The following UQCC1 variants were observed in gnomAD, a reference collection of about 807,000 sequenced individuals.
UQCC1 encodes bFGF-repressed Zic-binding protein.
In UQCC1, 38 loss-of-function variants were observed where a neutral mutation model predicts 48.0. That is an observed-to-expected ratio of 0.79 (90% CI 0.61 to 1.04). The LOEUF (loss-of-function observed/expected upper bound fraction) is 1.04, where lower values mean the gene tolerates loss of function less well. UQCC1 is among the 50% of genes least tolerant of loss of function. The pLI, the probability that UQCC1 is intolerant of heterozygous loss-of-function variation, is 0.00. For missense variants in UQCC1, 368 were observed against 381.8 expected, an observed-to-expected ratio of 0.96 and a Z score of 0.30; for synonymous variants, 111 against 129.2, an observed-to-expected ratio of 0.86 and a Z score of 0.95.
chr20:35,387,338 G>C lies in UQCC1; in HGVS notation c.130-3205C>G, dbSNP rs545905518. On this transcript the variant is annotated intron_variant, in intron 2 of 9. Transcript: ENST00000374385. Reference sequence around the variant, plus strand: ...CAAGAATGACAGAGGCAGAGAAGTAGAAAGGGGGTGCTGGGACAAACTCAA... The same window carrying C: ...CAAGAATGACAGAGGCAGAGAAGTACAAAGGGGGTGCTGGGACAAACTCAA... 3.3e-5 allele frequency among the ~76,000 whole-genome samples: 5 copies of C among 152,152 alleles called. No individual in the cohort carries two copies. The East Asian group carries it at 7.7e-4, about 23-fold the overall frequency.
intron 3 of UQCC1, among the ~76,000 whole-genome samples, chr20:35,382,480 C>T (rs1185715269): frequency 6.8e-6 from 1 of 147,086 alleles, no homozygotes; most frequent in African/African-American, 2.5e-5. Flanking sequence ...TTTTCACCTA[C>T]AATTTTTAAT....
chr20:35,351,074 G>A (rs960406309), intron 6 of UQCC1, among the ~76,000 whole-genome samples: 3 of 151,286 alleles, frequency 2.0e-5, no homozygotes, highest in Admixed American at 1.3e-4. Flanking sequence ...TGTAACCTCT[G>A]ACCCCAGGTA....
At chr20:35,356,132 T>G (rs551566919) in intron 6 of UQCC1, among the ~76,000 whole-genome samples, 51 of 152,284 alleles carry the variant, frequency 3.3e-4, no homozygotes, top group African/African-American at 1.2e-3. Flanking sequence ...CAAGTGATCC[T>G]CCTGCCTTGG....
chr20:35,318,800 C>T (rs1398267432), intron 7 of UQCC1, among the ~76,000 whole-genome samples: 1 of 152,214 alleles, frequency 6.6e-6, no homozygotes, highest in African/African-American at 2.4e-5. Context: ...CGGCAGGGCC[C>T]TTCTAGCTAG....
intron 7 of UQCC1, among the ~76,000 whole-genome samples, chr20:35,338,521 G>T (rs888421798): frequency 1.3e-5 from 2 of 152,090 alleles, no homozygotes; most frequent in African/African-American, 4.8e-5. Context: ...ACAGAAATGA[G>T]AGGGTAGAAC....
At chr20:35,322,198 C>T (rs748580900) in intron 7 of UQCC1, among the ~76,000 whole-genome samples, 1 of 152,182 alleles carries the variant, frequency 6.6e-6, no homozygotes, top group Non-Finnish European at 1.5e-5. Flanking sequence ...GAAAGAGTCG[C>T]AGTTTCAACA....
intron 8 of UQCC1, among the ~76,000 whole-genome samples, chr20:35,312,545 G>A (rs2061006067): frequency 6.6e-6 from 1 of 152,228 alleles, no homozygotes; most frequent in African/African-American, 2.4e-5. Flanking sequence ...AGTAAGCACT[G>A]TGAGAGTGCA....
chr20:35,316,812 C>G (rs1231422352), intron 7 of UQCC1, among the ~76,000 whole-genome samples: 1 of 151,232 alleles, frequency 6.6e-6, no homozygotes, highest in Non-Finnish European at 1.5e-5. Flanking sequence ...CTAATTTTTT[C>G]TATTTTTAGT....
chr20:35,364,708 G>A (rs1231959635), intron 6 of UQCC1, among the ~76,000 whole-genome samples: 2 of 152,216 alleles, frequency 1.3e-5, no homozygotes, highest in Admixed American at 6.5e-5. Context: ...ACCAACCTCA[G>A]CAAGGAAGAT....
intron 2 of UQCC1, chr20:35,392,397 T>C (rs1293629184): frequency 1.3e-6 from 1 of 765,096 alleles, no homozygotes; most frequent in Non-Finnish European, 2.0e-6. Flanking sequence ...GTTATTTACA[T>C]AAATGCTTTG....
intron 1 of UQCC1, among the ~76,000 whole-genome samples, chr20:35,399,185 A>C (rs1369016511): frequency 6.6e-6 from 1 of 152,202 alleles, no homozygotes; most frequent in Non-Finnish European, 1.5e-5. Context: ...AACACAACTA[A>C]AGGCATCACT....
chr20:35,305,039 C>T (rs2060913576), intron 9 of UQCC1, among the ~76,000 whole-genome samples: 1 of 152,212 alleles, frequency 6.6e-6, no homozygotes, highest in Non-Finnish European at 1.5e-5. Flanking sequence ...ATCGGCCACA[C>T]CAAACAGTCT....
At chr20:35,407,226 G>C (rs1474199795) in intron 1 of UQCC1, among the ~76,000 whole-genome samples, 2 of 152,106 alleles carry the variant, frequency 1.3e-5, no homozygotes. Context: ...CCAGGAGTTT[G>C]AGACCAGCCT....
chr20:35,312,232 TTC>T (rs1321208512), intron 8 of UQCC1, among the ~76,000 whole-genome samples: 5 of 152,174 alleles, frequency 3.3e-5, no homozygotes, highest in African/African-American at 1.2e-4. Context: ...TGAGCAATAA[TTC>T]TCAATTCCCA....
At chr20:35,391,328 A>G (rs542876430) in intron 2 of UQCC1, among the ~76,000 whole-genome samples, 51 of 152,364 alleles carry the variant, frequency 3.3e-4, no homozygotes, top group African/African-American at 1.2e-3. Context: ...AAGAAAAAGA[A>G]TAAGAAAATG....
At chr20:35,340,201 G>A (rs2061361732) in intron 7 of UQCC1, among the ~76,000 whole-genome samples, 1 of 152,146 alleles carries the variant, frequency 6.6e-6, no homozygotes. Context: ...TTGTAAAACT[G>A]CCTGAGGCAC....
intron 6 of UQCC1, among the ~76,000 whole-genome samples, chr20:35,352,615 T>C (rs2061501571): frequency 6.6e-6 from 1 of 152,208 alleles, no homozygotes; most frequent in Non-Finnish European, 1.5e-5. Context: ...GAAAAATTCC[T>C]ATCACCTGGT....
At chr20:35,359,835 C>G (rs759483764) in intron 6 of UQCC1, among the ~76,000 whole-genome samples, 2 of 152,174 alleles carry the variant, frequency 1.3e-5, no homozygotes, top group Non-Finnish European at 2.9e-5. Context: ...GTTTATTGAT[C>G]TGTAAGCTGG....
chr20:35,356,167 G>A (rs2061544645), intron 6 of UQCC1, among the ~76,000 whole-genome samples: 1 of 152,216 alleles, frequency 6.6e-6, no homozygotes, highest in Non-Finnish European at 1.5e-5. Context: ...GGGATTATAG[G>A]CGTGAGCCAC....
Sources: gnomAD v4.1 joint callset for allele counts (sites outside exome capture counted in the v4.1 genomes callset) on GRCh38, gnomAD v4.1.1 for gene constraint, MANE v1.5 for transcripts, NCBI Gene and HGNC (gene_info 2026-07-23, HGNC 2026-07-21) for gene names.